Variants in SDK1 observed in about 807,000 individuals in gnomAD.
SDK1 encodes the protein sidekick cell adhesion molecule 1.
A neutral mutation model predicts 245.5 loss-of-function variants in SDK1; 157 were observed. The observed-to-expected ratio is 0.64, with a 90% confidence interval of 0.56 to 0.73. The LOEUF (loss-of-function observed/expected upper bound fraction) is 0.73. Among genes scored for constraint, SDK1 ranks in the 30% least tolerant of loss-of-function variants. SDK1 has a pLI of 0.00. For synonymous variants in SDK1, 1,647 were observed against 1,278.5 expected (o/e 1.29, Z -6.15); for missense variants, 3,583 against 3,002.3 (o/e 1.19, Z -4.52).
chr7:4,151,642 C>T (rs969345512), intron 30 of SDK1, among the ~76,000 whole-genome samples: 15 of 152,166 alleles, frequency 9.9e-5, no homozygotes, highest in African/African-American at 3.4e-4. Flanking sequence ...CCATCCTCGT[C>T]GCCATCATTA....
chr7:3,915,462 T>C (rs991189138), intron 5 of SDK1, among the ~76,000 whole-genome samples: 1 of 152,190 alleles, frequency 6.6e-6, no homozygotes, highest in African/African-American at 2.4e-5. Context: ...TGAACAAGTC[T>C]CATGAGATCG....
intron 14 of SDK1, among the ~76,000 whole-genome samples, chr7:4,009,381 C>G (rs1167732138): frequency 6.6e-6 from 1 of 152,222 alleles, no homozygotes; most frequent in Non-Finnish European, 1.5e-5. Context: ...TGGCTGTTTT[C>G]TGTAAGGGAG....
At chr7:3,990,865 C>G (rs898700898) in intron 14 of SDK1, among the ~76,000 whole-genome samples, 1 of 152,226 alleles carries the variant, frequency 6.6e-6, no homozygotes, top group African/African-American at 2.4e-5. Flanking sequence ...GCGCTCTTCT[C>G]AGCTGATGGC....
At chr7:3,844,296 T>G (rs1780225396) in intron 5 of SDK1, among the ~76,000 whole-genome samples, 1 of 152,170 alleles carries the variant, frequency 6.6e-6, no homozygotes, top group Non-Finnish European at 1.5e-5. Context: ...TAGACCGTAT[T>G]GCCAATTATT....
chr7:3,738,511 A>C (rs1386557228), intron 4 of SDK1, among the ~76,000 whole-genome samples: 1 of 152,124 alleles, frequency 6.6e-6, no homozygotes, highest in Admixed American at 6.5e-5. Context: ...CTTTTGCAAG[A>C]TTGTTTTGGC....
chr7:4,207,976 C>A, intron 36 of SDK1, 123 bp from the exon 37 acceptor site: 1 of 726,000 alleles, frequency 1.4e-6, no homozygotes, highest in South Asian at 1.8e-5. Context: ...TTTCCACCTT[C>A]CCACCCAGCA....
chr7:4,244,854 G>A (rs13231488), intron 43 of SDK1, among the ~76,000 whole-genome samples: 41,934 of 151,968 alleles, frequency 0.28, 6,155 homozygotes, highest in African/African-American at 0.35. Flanking sequence ...TCTGGAGGCC[G>A]CCCTCATGTC....
intron 1 of SDK1, among the ~76,000 whole-genome samples, chr7:3,320,624 C>T (rs948840970): frequency 3.3e-5 from 5 of 152,092 alleles, no homozygotes; most frequent in Non-Finnish European, 7.4e-5. Flanking sequence ...TAGATTTTAG[C>T]CAAAGATCTT....
intron 4 of SDK1, among the ~76,000 whole-genome samples, chr7:3,761,160 C>T (rs937789193): frequency 1.4e-4 from 21 of 150,596 alleles, no homozygotes; most frequent in African/African-American, 4.6e-4. Flanking sequence ...TCCAGGTGAG[C>T]GTGTGGATTG....
intron 28 of SDK1, among the ~76,000 whole-genome samples, chr7:4,144,676 T>A (rs1213606495): frequency 6.6e-6 from 1 of 151,474 alleles, no homozygotes; most frequent in Middle Eastern, 3.4e-3. Flanking sequence ...GAGGGAGGGG[T>A]TCACCCGGAA....
At position 3,667,563 on chromosome 7, in the gene SDK1, C is replaced by T. The variant is rs138383817; in HGVS notation, c.713+25458C>T. ...CACAATCATAAAATATAAAATAGTT[C>T]TATCACCGCCCAAATTCTCCCACAC... On this transcript the variant is annotated intron_variant, in intron 4 of 44. Coordinates refer to ENST00000404826, the MANE Select transcript of SDK1 (RefSeq NM_152744.4). Among the ~76,000 whole-genome samples the T allele has an allele frequency of 1.9e-3, 283 of 152,324 alleles. 2 individuals carry two copies. The highest frequency in any genetic ancestry group is 3.3e-3 in the Non-Finnish European group (222 of 68,030).
chr7:4,171,436 C>A (rs1396933916), intron 32 of SDK1, among the ~76,000 whole-genome samples: 2 of 152,226 alleles, frequency 1.3e-5, no homozygotes, highest in African/African-American at 4.8e-5. Context: ...CCAGAAGAAT[C>A]ATTTTCAGAT....
chr7:3,659,414 T>C (rs1218517901), intron 4 of SDK1, among the ~76,000 whole-genome samples: 1 of 152,138 alleles, frequency 6.6e-6, no homozygotes, highest in African/African-American at 2.4e-5. Context: ...ATAATATTTA[T>C]ACCAAAATTT....
At chr7:3,566,797 A>G (rs1779934633) in intron 1 of SDK1, among the ~76,000 whole-genome samples, 1 of 152,188 alleles carries the variant, frequency 6.6e-6, no homozygotes, top group Non-Finnish European at 1.5e-5. Context: ...AAAACAGTGA[A>G]CGCAAAAGGC....
At chr7:3,436,778 C>T (rs1330561482) in intron 1 of SDK1, among the ~76,000 whole-genome samples, 1 of 152,094 alleles carries the variant, frequency 6.6e-6, no homozygotes, top group African/African-American at 2.4e-5. Context: ...CTGTCTTCCC[C>T]TTTCCCTGAA....
intron 1 of SDK1, among the ~76,000 whole-genome samples, chr7:3,412,792 A>C (rs997848999): frequency 4.6e-5 from 7 of 152,186 alleles, no homozygotes; most frequent in Non-Finnish European, 1.0e-4. Flanking sequence ...ATTTGGGCTA[A>C]TAAGTAACCC....
intron 22 of SDK1, among the ~76,000 whole-genome samples, chr7:4,107,222 C>T (rs1458585490): frequency 3.3e-5 from 5 of 151,798 alleles, no homozygotes; most frequent in Middle Eastern, 3.4e-3. Context: ...GGTGAATGAG[C>T]GTCCGCAGTG....
At chr7:3,592,561 G>C (rs574518191) in intron 1 of SDK1, among the ~76,000 whole-genome samples, 2 of 152,106 alleles carry the variant, frequency 1.3e-5, no homozygotes, top group Non-Finnish European at 2.9e-5. Context: ...CCCAGTGAAG[G>C]TTATTTATTT....
In SDK1 at chr7:3,900,550, A is replaced by G. The variant is rs541691268; in HGVS notation, c.848-50373A>G. 2.0e-4 allele frequency among the ~76,000 whole-genome samples: 30 copies of G among 152,266 alleles called. No homozygotes were observed. In the South Asian group the frequency reaches 2.3e-3, roughly 12 times the overall value. On this transcript the variant is annotated intron_variant, in intron 5 of 44. Transcript: ENST00000404826. Reference sequence around the variant, plus strand: ...TCCTTATAGAATTTCTCCTTCAGAAATCATTTCCCACTGGAAGGCTGGAAA... The same window carrying G: ...TCCTTATAGAATTTCTCCTTCAGAAGTCATTTCCCACTGGAAGGCTGGAAA...
Sources: gnomAD v4.1 joint callset for allele counts (sites outside exome capture counted in the v4.1 genomes callset) on GRCh38, gnomAD v4.1.1 for gene constraint, MANE v1.5 for transcripts, NCBI Gene and HGNC (gene_info 2026-07-23, HGNC 2026-07-21) for gene names.